The following SOD2 variants were observed in gnomAD, a reference collection of about 807,000 sequenced individuals.
SOD2 encodes the protein superoxide dismutase [Mn], mitochondrial.
A neutral mutation model predicts 27.0 loss-of-function variants in SOD2; 11 were observed. The observed-to-expected ratio is 0.41, with a 90% confidence interval of 0.26 to 0.67. The LOEUF is 0.67. Ranked by LOEUF, SOD2 falls within the 30% of genes least tolerant of loss-of-function variation. The pLI is 0.34. For synonymous variants in SOD2, 105 were observed against 103.0 expected (o/e 1.02, Z -0.12); for missense variants, 250 against 274.5 (o/e 0.91, Z 0.63).
intron 1 of SOD2, among the ~76,000 whole-genome samples, chr6:159,757,000 G>A (rs776475275): frequency 6.6e-6 from 1 of 152,120 alleles, no homozygotes; most frequent in Non-Finnish European, 1.5e-5. Context: ...TAAAACGCTG[G>A]CCAGCACTAC....
In SOD2 at chr6:159,680,445, T is replaced by C. The variant is rs183442006; in HGVS notation, c.*2048A>G. Reference sequence around the variant, plus strand: ...ACCGCTTTGGTACTCTTGTCTCTAATAATTTTTAAAGCCTACTTTTCTAAC... The same window carrying C: ...ACCGCTTTGGTACTCTTGTCTCTAACAATTTTTAAAGCCTACTTTTCTAAC... On this transcript the variant is annotated 3_prime_UTR_variant, in exon 5 of 5. Transcript: ENST00000538183. 2.0e-5 allele frequency: 3 copies of C among 152,260 alleles called. No homozygotes were observed. In the East Asian group the frequency reaches 5.8e-4, roughly 29 times the overall value. 9.4% of individuals were successfully genotyped at this position (152,260 alleles called of 1,614,324 possible).
chr6:159,749,111 A>G (rs1167536175), upstream of SOD2: 2 of 986,242 alleles, frequency 2.0e-6, no homozygotes, highest in Non-Finnish European at 2.4e-6. Context: ...TGTTCTTTGA[A>G]TGGTTGCAAA....
rs1777881737 is a variant in SOD2, at chr6:159,714,108, T to G, written c.-116+13021A>C. The G allele has an allele frequency of 7.2e-6, 4 of 556,980 alleles. No individual in the cohort carries two copies. In the Admixed American group the frequency reaches 9.5e-5, roughly 13 times the overall value. The allele number at this position is 556,980 out of a possible 1,614,324, so 34.5% of individuals were successfully genotyped here. On this transcript the variant is annotated intron_variant, in intron 1 of 2. Coordinates refer to the SOD2 transcript ENST00000401980. ...AGATGACAAGCAGAACTACTTCTGC[T>G]CACATAAGCAAGTGATCACATGAGC... is the stretch of plus-strand genomic sequence containing the variant.
rs1252294608 is a variant in SOD2, at chr6:159,673,875, A to G, written c.*8618T>C. 4 of 152,226 alleles carry G rather than the reference A, an allele frequency of 2.6e-5. No individual in the cohort carries two copies. The highest frequency in any genetic ancestry group is 4.4e-5 in the Non-Finnish European group (3 of 68,052). 9.4% of individuals were successfully genotyped at this position (152,226 alleles called of 1,614,324 possible). A position where few individuals can be genotyped will look rare whatever the true frequency, so the allele number is the denominator to read the frequency against. Reference sequence around the variant, plus strand: ...GCAAGACTAATAAACAAGAAAAGAGAGAAGAATCAAATAAATGCAATAAAA... The same window carrying G: ...GCAAGACTAATAAACAAGAAAAGAGGGAAGAATCAAATAAATGCAATAAAA... On this transcript the variant is annotated 3_prime_UTR_variant, in exon 5 of 5. Transcript: ENST00000538183.
rs1484132103 is a variant in SOD2, at chr6:159,675,036, A to C, written c.*7457T>G. 6.6e-6 allele frequency: 1 copy of C among 152,162 alleles called. No homozygotes were observed. Among genetic ancestry groups the C allele is most frequent in the African/African-American group, 2.4e-5 (1 of 41,440 alleles). 9.4% of individuals were successfully genotyped at this position (152,162 alleles called of 1,614,324 possible). ...AATAAAATACCTAGGAATCCAACTT[A>C]CAAGGGATGTGAAGGACCTCTTCAA... On this transcript the variant is annotated 3_prime_UTR_variant, in exon 5 of 5. Coordinates refer to ENST00000538183, the MANE Select transcript of SOD2 (RefSeq NM_000636.4).
At chr6:159,724,280 C>T (rs61594814) in intron 1 of SOD2, among the ~76,000 whole-genome samples, 2,441 of 152,302 alleles carry the variant, frequency 0.016, 77 homozygotes, top group African/African-American at 0.056. Context: ...GCATCAGCCA[C>T]CCGGCCCTTT....
intron 1 of SOD2, among the ~76,000 whole-genome samples, chr6:159,738,426 C>G (rs1779050024): frequency 6.6e-6 from 1 of 152,006 alleles, no homozygotes; most frequent in East Asian, 1.9e-4. Flanking sequence ...AGTCCTGTTT[C>G]TTTTTATTGC....
At chr6:159,733,951 C>T (rs967165936) in intron 1 of SOD2, among the ~76,000 whole-genome samples, 1 of 152,138 alleles carries the variant, frequency 6.6e-6, no homozygotes, top group African/African-American at 2.4e-5. Flanking sequence ...AGAAGCAAGC[C>T]AGTAATCTAA....
chr6:159,674,588 G>C lies in SOD2; in HGVS notation c.*7905C>G, dbSNP rs1191838473. ...CTCTCAATGAATTAGGTATTGATGGGACATATCTCAAAATAATAAGAGCTA... is the reference window on the plus strand; with the variant it reads ...CTCTCAATGAATTAGGTATTGATGGCACATATCTCAAAATAATAAGAGCTA... On this transcript the variant is annotated 3_prime_UTR_variant, in exon 5 of 5. Transcript: ENST00000538183. The C allele has an allele frequency of 1.3e-5, 2 of 152,150 alleles. No individual in the cohort carries two copies. The highest frequency in any genetic ancestry group is 4.8e-5 in the African/African-American group (2 of 41,430). 9.4% of individuals were successfully genotyped at this position (152,150 alleles called of 1,614,324 possible).
chr6:159,740,148 A>AT (rs957227777), intron 1 of SOD2, among the ~76,000 whole-genome samples: 16 of 146,940 alleles, frequency 1.1e-4, no homozygotes, highest in East Asian at 2.0e-4. Flanking sequence ...CCTGGCCATG[A>AT]TTTTTTTTTT....
At chr6:159,734,357 CAG>C (rs1778774610) in intron 1 of SOD2, among the ~76,000 whole-genome samples, 1 of 132,296 alleles carries the variant, frequency 7.6e-6, no homozygotes, top group African/African-American at 2.9e-5. Context: ...AGCCTGGCAA[CAG>C]AGTGAGACTC....
Position 159,669,251 on chromosome 6 carries a change from T to C in SOD2, c.*13242A>G, listed in dbSNP as rs1470745332. 1 of 152,226 alleles carries C rather than the reference T, an allele frequency of 6.6e-6. No individual in the cohort carries two copies. The highest frequency in any genetic ancestry group is 1.5e-5 in the Non-Finnish European group (1 of 68,038). 9.4% of individuals were successfully genotyped at this position (152,226 alleles called of 1,614,324 possible). On this transcript the variant is annotated 3_prime_UTR_variant, in exon 5 of 5. Transcript: ENST00000538183. The stretch of plus-strand genomic sequence containing the variant: ...CTAGTCTGGTGAATGTTCCATGTGC[T>C]GATGAAAAGAACGTGTGTTCTGCAG...
At chr6:159,702,291 TA>T (rs1206879499) in intron 1 of SOD2, among the ~76,000 whole-genome samples, 5 of 150,802 alleles carry the variant, frequency 3.3e-5, no homozygotes, top group African/African-American at 1.2e-4. Context: ...CCTGTCTGTA[TA>T]AAATTTTTTT....
At chr6:159,761,510 C>A in exon 1 of SOD2, 1 of 455,986 alleles carries the variant, frequency 2.2e-6, no homozygotes. Flanking sequence ...GAATGACTGG[C>A]GCCAGGAGAA....
chr6:159,744,537 T>G (rs1037040817), intron 1 of SOD2, among the ~76,000 whole-genome samples: 4 of 152,220 alleles, frequency 2.6e-5, no homozygotes, highest in Non-Finnish European at 5.9e-5. Context: ...CTGTTCTGTT[T>G]CTTTTGCCAA....
chr6:159,744,705 C>CT (rs1779465896), intron 1 of SOD2, among the ~76,000 whole-genome samples: 1 of 152,100 alleles, frequency 6.6e-6, no homozygotes, highest in Non-Finnish European at 1.5e-5. Flanking sequence ...ATTTTCTTTA[C>CT]TTTTTTTTCC....
chr6:159,702,481 G>A lies in SOD2; in HGVS notation c.-115-9618C>T, dbSNP rs144601751. ...CCAGCTAATTTTTGTATTTTAAGTA[G>A]ATGGGGTTTCACCATGATGACCAGG... On this transcript the variant is annotated intron_variant, in intron 1 of 2. Coordinates refer to the SOD2 transcript ENST00000401980. 6.3e-3 allele frequency among the ~76,000 whole-genome samples: 951 copies of A among 151,258 alleles called. 10 individuals carry two copies. Among genetic ancestry groups the A allele is most frequent in the African/African-American group, 0.022 (918 of 41,182 alleles).
At chr6:159,749,497 G>T, upstream of SOD2, 1 of 950,340 alleles carries the variant, frequency 1.1e-6, no homozygotes, top group Non-Finnish European at 1.3e-6. Context: ...TTAATTTGGG[G>T]CGGGGAGGGC....
intron 4 of SOD2, 134 bp downstream of exon 4, chr6:159,684,720 G>C: frequency 1.7e-6 from 1 of 572,756 alleles, no homozygotes; most frequent in Non-Finnish European, 3.0e-6. Flanking sequence ...ACTTACACAA[G>C]ACTCTGGGTG....
Sources: allele counts gnomAD v4.1 joint callset (sites outside exome capture counted in the v4.1 genomes callset), GRCh38; gene constraint gnomAD v4.1.1; transcripts MANE v1.5; gene names NCBI Gene and HGNC (gene_info 2026-07-23, HGNC 2026-07-21).